CDC25A: variants seen among roughly 807,000 people sequenced by gnomAD.
CDC25A encodes cell division cycle 25A.
A neutral mutation model predicts 64.6 loss-of-function variants in CDC25A; 17 were observed. That is an observed-to-expected ratio of 0.26 (90% CI 0.18 to 0.39). The LOEUF (loss-of-function observed/expected upper bound fraction) is 0.39. Ranked by LOEUF, CDC25A falls within the 10% of genes least tolerant of loss-of-function variation. The probability of loss-of-function intolerance (pLI) is 1.00; values close to 1 mark genes in which losing one functional copy is unlikely to be tolerated. For missense variants in CDC25A, 473 were observed against 654.8 expected, an observed-to-expected ratio of 0.72 and a Z score of 3.03; for synonymous variants, 229 against 238.6, an observed-to-expected ratio of 0.96 and a Z score of 0.37.
At chr3:48,160,648 G>A (rs996502613) in intron 13 of CDC25A, among the ~76,000 whole-genome samples, 8 of 152,072 alleles carry the variant, frequency 5.3e-5, no homozygotes, top group African/African-American at 1.7e-4. Flanking sequence ...TGTCCACTCC[G>A]AAATGTAAGT....
intron 13 of CDC25A, among the ~76,000 whole-genome samples, chr3:48,162,915 C>T (rs1156336545): frequency 1.3e-5 from 2 of 151,396 alleles, no homozygotes; most frequent in African/African-American, 2.4e-5. Flanking sequence ...ACTTTGGAGG[C>T]CAAGGAGAGA....
intron 2 of CDC25A, 105 bp downstream of exon 2, chr3:48,186,598 C>T: frequency 1.5e-6 from 1 of 675,540 alleles, no homozygotes; most frequent in Non-Finnish European, 2.6e-6. Context: ...GTTTATCACC[C>T]AATGCCATGA....
chr3:48,159,088 G>A lies in CDC25A; in HGVS notation c.1435-3C>T. 1 of 1,613,970 alleles carries A rather than the reference G, an allele frequency of 6.2e-7. No homozygotes were observed. Among genetic ancestry groups the A allele is most frequent in the Middle Eastern group, 1.6e-4 (1 of 6,062 alleles). On this transcript the variant is annotated splice_region_variant and splice_polypyrimidine_tract_variant and intron_variant, in intron 14 of 14. Coordinates refer to ENST00000302506, the MANE Select transcript of CDC25A (RefSeq NM_001789.3). Reference sequence around the variant, plus strand: ...TAGCTAGGGGGCTCACAGTAAGACTGAGGGGACAGGAGAGAATAAGGTTAG... The same window carrying A: ...TAGCTAGGGGGCTCACAGTAAGACTAAGGGGACAGGAGAGAATAAGGTTAG...
Position 48,187,848 on chromosome 3 carries a change from A to C in CDC25A, c.100T>G (p.Ser34Ala), listed in dbSNP as rs1404341101. The change falls in exon 1 of 15, where the codon TCA becomes GCA. Residue 34 changes from serine to alanine, a missense_variant. Physicochemically the swap from Ser to Ala is moderately conservative, Grantham distance 99. Transcript: ENST00000302506. ...ACAGGCGACAGTCCCCCGGCGGCTG[A>C]AGCGCCAAATAGCGCCTTCACGACG... Reference protein sequence around the residue: ...QPVVKALFGASAAGGLSPVTN... With the variant: ...QPVVKALFGAAAAGGLSPVTN... 2 of 1,549,278 alleles carry C rather than the reference A, an allele frequency of 1.3e-6. No homozygotes were observed. The highest frequency in any genetic ancestry group is 1.7e-6 in the Non-Finnish European group (2 of 1,146,196).
intron 9 of CDC25A, among the ~76,000 whole-genome samples, chr3:48,170,295 A>C (rs1374497030): frequency 6.6e-6 from 1 of 152,192 alleles, no homozygotes; most frequent in Non-Finnish European, 1.5e-5. Flanking sequence ...CCCAGTCCTC[A>C]AAACCACACC....
In CDC25A at chr3:48,157,466, A is replaced by C. The variant is rs1575254340; in HGVS notation, c.*1479T>G. 6.6e-6 allele frequency: 1 copy of C among 152,616 alleles called. No homozygotes were observed. Among genetic ancestry groups the C allele is most frequent in the Non-Finnish European group, 1.5e-5 (1 of 68,024 alleles). The allele number at this position is 152,616 out of a possible 1,614,324, so 9.5% of individuals were successfully genotyped here. ...AGTATCACTGATTCCCACCCCAAGA[A>C]GTTGAGGTAAGAGGGGAGAGACTGT... On this transcript the variant is annotated 3_prime_UTR_variant, in exon 15 of 15. Coordinates refer to ENST00000302506, the MANE Select transcript of CDC25A (RefSeq NM_001789.3).
intron 3 of CDC25A, among the ~76,000 whole-genome samples, chr3:48,184,199 T>C (rs1441062387): frequency 6.6e-6 from 1 of 151,942 alleles, no homozygotes; most frequent in African/African-American, 2.4e-5. Flanking sequence ...TCGTGTCTAC[T>C]AAAAATACAA....
In CDC25A at chr3:48,183,010, A is replaced by G; in HGVS notation, c.348T>C (p.Ser116=). ...CAGAATGGCTCCTCTTCAGAGCTGGACTACATCCCAACAGCTTCTGCTATC... is the reference window on the plus strand; with the variant it reads ...CAGAATGGCTCCTCTTCAGAGCTGGGCTACATCCCAACAGCTTCTGCTATC... ...HSLPQKLLGC[S]PALKRSHSDS... Residue 116 remains serine, a synonymous_variant, in exon 5 of 15, where the codon AGT becomes AGC. Transcript: ENST00000302506. 6.2e-7 allele frequency: 1 copy of G among 1,611,420 alleles called. No individual in the cohort carries two copies. Among genetic ancestry groups the G allele is most frequent in the African/African-American group, 1.3e-5 (1 of 75,014 alleles).
intron 8 of CDC25A, 82 bp from the exon 9 acceptor site, chr3:48,174,539 C>A: frequency 1.5e-6 from 2 of 1,346,774 alleles, no homozygotes; most frequent in Non-Finnish European, 2.1e-6. Flanking sequence ...CCGAAGGTTT[C>A]CTGGGATGAT....
At chr3:48,180,690 G>C (rs778374927) in intron 6 of CDC25A, 31 bp downstream of exon 6, 1 of 1,609,442 alleles carries the variant, frequency 6.2e-7, no homozygotes, top group Non-Finnish European at 8.5e-7. Flanking sequence ...CTTCCTGTCA[G>C]GAATTCCCCT....
At chr3:48,166,541 T>C (rs940510000) in intron 10 of CDC25A, among the ~76,000 whole-genome samples, 2 of 152,180 alleles carry the variant, frequency 1.3e-5, no homozygotes, top group Admixed American at 6.5e-5. Flanking sequence ...CACTTAAACA[T>C]ACAGATTTCA....
At position 48,187,638 on chromosome 3, in the gene CDC25A, G is replaced by A. The variant is rs1434878310; in HGVS notation, c.170+140C>T. 8.7e-6 allele frequency: 7 copies of A among 803,746 alleles called. No homozygotes were observed. In the South Asian group the frequency reaches 1.2e-4, roughly 14 times the overall value. The allele number at this position is 803,746 out of a possible 1,614,324, so 49.8% of individuals were successfully genotyped here. A position where few individuals can be genotyped will look rare whatever the true frequency, so the allele number is the denominator to read the frequency against. Reference sequence around the variant, plus strand: ...CGCCCGGGCGGGGGTGCACATGGCAGGCCCTAGCCCGGCTGTCCCCGAGCG... The same window carrying A: ...CGCCCGGGCGGGGGTGCACATGGCAAGCCCTAGCCCGGCTGTCCCCGAGCG... On this transcript the variant is annotated intron_variant, in intron 1 of 14. Coordinates refer to ENST00000302506, the MANE Select transcript of CDC25A (RefSeq NM_001789.3).
intron 6 of CDC25A, among the ~76,000 whole-genome samples, chr3:48,178,327 A>G (rs1341808057): frequency 2.6e-5 from 4 of 152,238 alleles, no homozygotes; most frequent in Non-Finnish European, 5.9e-5. Flanking sequence ...CTGTGACAGT[A>G]TGAGAATCTG....
At chr3:48,183,906 T>C (rs1384367468) in intron 3 of CDC25A, 70 bp from the exon 4 acceptor site, 7 of 985,668 alleles carry the variant, frequency 7.1e-6, no homozygotes, top group Admixed American at 3.6e-5. Flanking sequence ...AGCAGAGAGA[T>C]AGTGTTTAGC....
At position 48,158,966 on chromosome 3, in the gene CDC25A, G is replaced by A. The variant is rs775965553; in HGVS notation, c.1554C>T (p.Tyr518=). ...WAGEKSKREM[Y]SRLKKL Reference sequence around the variant, plus strand: ...GCCCTCAGAGCTTCTTCAGACGACTGTACATCTCCCTCTTGCTCTTCTCCC... The same window carrying A: ...GCCCTCAGAGCTTCTTCAGACGACTATACATCTCCCTCTTGCTCTTCTCCC... The change falls in exon 15 of 15, where the codon TAC becomes TAT. Residue 518 remains tyrosine, a synonymous_variant. Coordinates refer to ENST00000302506, the MANE Select transcript of CDC25A (RefSeq NM_001789.3). 4 of 1,614,050 alleles carry A rather than the reference G, an allele frequency of 2.5e-6. No individual in the cohort carries two copies. The South Asian group carries it at 3.3e-5, about 13-fold the overall frequency.
intron 9 of CDC25A, among the ~76,000 whole-genome samples, chr3:48,170,098 T>G (rs1179828776): frequency 6.6e-6 from 1 of 152,004 alleles, no homozygotes; most frequent in Admixed American, 6.5e-5. Context: ...TCAAAGTGAT[T>G]TTTCTTATTC....
intron 9 of CDC25A, among the ~76,000 whole-genome samples, chr3:48,168,917 G>T (rs1161909721): frequency 2.0e-5 from 3 of 152,120 alleles, no homozygotes; most frequent in African/African-American, 7.2e-5. Flanking sequence ...CTCCCAAAGT[G>T]CTGGGATTAC....
At chr3:48,180,278 T>G (rs1321308002) in intron 6 of CDC25A, 1 of 152,970 alleles carries the variant, frequency 6.5e-6, no homozygotes, top group East Asian at 1.9e-4. Flanking sequence ...TCCAGTTCCT[T>G]GAGAAGCACT....
intron 13 of CDC25A, among the ~76,000 whole-genome samples, chr3:48,162,153 A>C (rs1413859008): frequency 1.3e-5 from 2 of 152,234 alleles, no homozygotes; most frequent in African/African-American, 4.8e-5. Flanking sequence ...ATGAGATGAC[A>C]GTCAAAAGTG....
Sources: allele counts gnomAD v4.1 joint callset (sites outside exome capture counted in the v4.1 genomes callset), GRCh38; gene constraint gnomAD v4.1.1; transcripts MANE v1.5; gene names NCBI Gene and HGNC (gene_info 2026-07-23, HGNC 2026-07-21).